MFSD11: variants seen among roughly 807,000 people sequenced by gnomAD.
MFSD11 encodes major facilitator superfamily domain containing 11.
Under a neutral mutation model 53.5 loss-of-function variants are expected in MFSD11, and 36 were observed. That is an observed-to-expected ratio of 0.67 (90% CI 0.52 to 0.89). The LOEUF (loss-of-function observed/expected upper bound fraction) is 0.89, where lower values mean the gene tolerates loss of function less well. MFSD11 is among the 40% of genes least tolerant of loss of function. The probability of loss-of-function intolerance (pLI) is 0.00; values close to 1 mark genes in which losing one functional copy is unlikely to be tolerated. For synonymous variants in MFSD11, 186 were observed against 184.9 expected, an observed-to-expected ratio of 1.01 and a Z score of -0.05; for missense variants, 530 against 543.9, an observed-to-expected ratio of 0.97 and a Z score of 0.25.
downstream of MFSD11, among the ~76,000 whole-genome samples, chr17:76,783,181 GAAAT>G (rs1306661687): frequency 1.3e-5 from 2 of 151,358 alleles, no homozygotes; most frequent in Admixed American, 6.6e-5. Flanking sequence ...ATGTGACAAT[GAAAT>G]AAATAGTTTA....
Position 76,776,667 on chromosome 17 carries a change from GTC to G in MFSD11, c.1185+134_1185+135del, listed in dbSNP as rs2081861286. The G allele has an allele frequency of 3.3e-6, 3 of 918,398 alleles. No individual in the cohort carries two copies. The highest frequency in any genetic ancestry group is 4.5e-6 in the Non-Finnish European group (3 of 663,676). The allele number at this position is 918,398 out of a possible 1,614,324, so 56.9% of individuals were successfully genotyped here. On this transcript the variant is annotated intron_variant, in intron 12 of 12. Coordinates refer to ENST00000685175, the MANE Select transcript of MFSD11 (RefSeq NM_001242532.5). This position sits in a 1 kb window ranked among gnomAD's most constrained non-coding sequence, Gnocchi z 4.2. Reference sequence around the variant, plus strand: ...TATTTATTTTTATTTTTTTGATAGAGTCTCTCTCTGTCACTCAGGCTGGAGTG... The same window carrying G: ...TATTTATTTTTATTTTTTTGATAGAGTCTCTCTGTCACTCAGGCTGGAGTG...
chr17:76,754,647 G>A (rs1224438639), intron 8 of MFSD11, among the ~76,000 whole-genome samples: 1 of 138,146 alleles, frequency 7.2e-6, no homozygotes, highest in African/African-American at 2.8e-5. Flanking sequence ...TTGCCCCACT[G>A]CACTTCAGCC....
At chr17:76,760,288 A>G in intron 8 of MFSD11, among the ~76,000 whole-genome samples, 1 of 151,884 alleles carries the variant, frequency 6.6e-6, no homozygotes, top group Middle Eastern at 3.2e-3. Flanking sequence ...AAAAAAAAAA[A>G]AAAAGAAAAT....
At chr17:76,785,121 G>T (rs924912167), downstream of MFSD11, among the ~76,000 whole-genome samples, 9 of 152,196 alleles carry the variant, frequency 5.9e-5, no homozygotes, top group Non-Finnish European at 1.5e-5. Flanking sequence ...AATGAAGTAT[G>T]ATTCAGCCTT....
upstream of MFSD11, chr17:76,737,279 G>T: frequency 7.3e-7 from 1 of 1,362,322 alleles, no homozygotes. Context: ...GAAAGGCCTT[G>T]CCGCAGAACA....
chr17:76,736,747 G>A (rs2077518877), upstream of MFSD11: 1 of 1,392,998 alleles, frequency 7.2e-7, no homozygotes, highest in Non-Finnish European at 9.3e-7. Context: ...AGGTCGCCCG[G>A]GCCTCCCGCG....
chr17:76,748,379 C>G (rs1384863947), intron 7 of MFSD11, among the ~76,000 whole-genome samples: 1 of 152,130 alleles, frequency 6.6e-6, no homozygotes, highest in East Asian at 1.9e-4. Flanking sequence ...TTGAAGAGGT[C>G]CAAAGAGACA....
At position 76,743,815 on chromosome 17, in the gene MFSD11, A is replaced by G. The variant is rs552777361; in HGVS notation, c.496+359A>G. 7.2e-5 allele frequency among the ~76,000 whole-genome samples: 11 copies of G among 152,138 alleles called. No individual in the cohort carries two copies. The East Asian group carries it at 1.5e-3, about 21-fold the overall frequency. ...ATTTTTAGTAGAGATGGGTTTCTCC[A>G]TGTTGTTCAGGCTGGTCTCAAACTC... is the stretch of plus-strand genomic sequence containing the variant. On this transcript the variant is annotated intron_variant, in intron 6 of 12. Transcript: ENST00000685175.
chr17:76,780,501 T>C (rs1381014281), downstream of MFSD11, among the ~76,000 whole-genome samples: 1 of 150,762 alleles, frequency 6.6e-6, no homozygotes, highest in Non-Finnish European at 1.5e-5. Flanking sequence ...TGTTGTCTTT[T>C]GGTTGTTGTG....
the MFSD11 span, among the ~76,000 whole-genome samples, chr17:76,796,398 G>A: frequency 6.6e-6 from 1 of 152,208 alleles, no homozygotes; most frequent in Middle Eastern, 3.4e-3. Context: ...TTGGGGGGAA[G>A]GACTGTCATT....
chr17:76,741,034 T>C lies in MFSD11; in HGVS notation c.230T>C (p.Leu77Pro), dbSNP rs1407562362. ...GTGGTTGCCATTGTAGGACCTCAAC[T>C]CTCTATGTTTGCCAGTGGTTTATTT... is the stretch of plus-strand genomic sequence containing the variant. ...PSVVAIVGPQLSMFASGLFYS... is the reference protein window; with the variant it reads ...PSVVAIVGPQPSMFASGLFYS... Residue 77 changes from leucine to proline, a missense_variant, in exon 3 of 13, where the codon CTC (leucine) becomes CCC (proline). Transcript: ENST00000685175. The C allele has an allele frequency of 6.2e-7, 1 of 1,611,532 alleles. No homozygotes were observed. Among genetic ancestry groups the C allele is most frequent in the Non-Finnish European group, 8.5e-7 (1 of 1,177,820 alleles).
At chr17:76,752,438 C>T (rs571480667) in intron 7 of MFSD11, among the ~76,000 whole-genome samples, 358 of 151,116 alleles carry the variant, frequency 2.4e-3, no homozygotes, top group Non-Finnish European at 3.8e-3. Context: ...GCTCTGTTGC[C>T]CAGGCTGGAG....
At chr17:76,803,253 C>A in the MFSD11 span, among the ~76,000 whole-genome samples, 1 of 152,156 alleles carries the variant, frequency 6.6e-6, no homozygotes, top group Non-Finnish European at 1.5e-5. Context: ...TGAAAGAGAT[C>A]TGACCTAACC....
chr17:76,737,182 G>A, upstream of MFSD11: 2 of 1,528,710 alleles, frequency 1.3e-6, no homozygotes, highest in Non-Finnish European at 1.8e-6. Context: ...GCGGCCCGGA[G>A]CCCCGCGAAC....
intron 10 of MFSD11, among the ~76,000 whole-genome samples, chr17:76,770,673 C>A (rs1481658246): frequency 6.6e-6 from 1 of 152,278 alleles, no homozygotes; most frequent in East Asian, 1.9e-4. Context: ...GCCCTCTTCC[C>A]CCTTCATGTT....
At chr17:76,802,128 A>G in the MFSD11 span, among the ~76,000 whole-genome samples, 1 of 151,940 alleles carries the variant, frequency 6.6e-6, no homozygotes, top group African/African-American at 2.4e-5. Context: ...AAAATTAGCC[A>G]GGTGTGGTAG....
chr17:76,748,270 G>A lies in MFSD11; in HGVS notation c.641+3804G>A, dbSNP rs1390779629. On this transcript the variant is annotated intron_variant, in intron 7 of 12. Coordinates refer to ENST00000685175, the MANE Select transcript of MFSD11 (RefSeq NM_001242532.5). ...GGTCAGATTATGTAAGCCAAGATAG[G>A]AGGTTTGTGTTTTCTTCTTAGTGTG... is the stretch of plus-strand genomic sequence containing the variant. Among the ~76,000 whole-genome samples, 4 of 152,160 alleles carry A rather than the reference G, an allele frequency of 2.6e-5. No homozygotes were observed. In the East Asian group the frequency reaches 7.7e-4, roughly 29 times the overall value.
chr17:76,748,713 A>C (rs1349207524), intron 7 of MFSD11, among the ~76,000 whole-genome samples: 1 of 43,138 alleles, frequency 2.3e-5, no homozygotes, highest in Non-Finnish European at 1.1e-4. Context: ...CCTCTATCTC[A>C]AGTGCGTAAT....
the MFSD11 span, among the ~76,000 whole-genome samples, chr17:76,801,942 C>T: frequency 6.6e-6 from 1 of 152,142 alleles, no homozygotes; most frequent in Non-Finnish European, 1.5e-5. Context: ...TTTACCCACC[C>T]CCTATTCAAG....
Sources: allele counts gnomAD v4.1 joint callset (sites outside exome capture counted in the v4.1 genomes callset), GRCh38; gene constraint gnomAD v4.1.1; non-coding constraint Gnocchi (gnomAD v3.1); transcripts MANE v1.5; gene names NCBI Gene and HGNC (gene_info 2026-07-23, HGNC 2026-07-21).